PHACTR1: variants seen among roughly 807,000 people sequenced by gnomAD.
The protein encoded by PHACTR1 is RPEL repeat containing 1.
Under a neutral mutation model 69.2 loss-of-function variants are expected in PHACTR1, and 16 were observed. That is an observed-to-expected ratio of 0.23 (90% CI 0.16 to 0.35). The LOEUF is 0.35. PHACTR1 is among the 10% of genes least tolerant of loss of function. The pLI is 1.00. For missense variants in PHACTR1, 510 were observed against 734.7 expected (o/e 0.69, Z 3.54); for synonymous variants, 312 against 284.5 (o/e 1.10, Z -0.97).
At chr6:13,233,249 C>A (rs933470495) in intron 10 of PHACTR1, among the ~76,000 whole-genome samples, 2 of 152,104 alleles carry the variant, frequency 1.3e-5, no homozygotes, top group Non-Finnish European at 2.9e-5. Context: ...TGGGAAGAGA[C>A]ATAAACCGTC....
chr6:12,740,816 T>C (rs573673925), intron 3 of PHACTR1, among the ~76,000 whole-genome samples: 1 of 152,212 alleles, frequency 6.6e-6, no homozygotes, highest in African/African-American at 2.4e-5. Context: ...TCTTATTCTC[T>C]TATATCCTTT....
rs145865768 is a variant in PHACTR1 at position 12,915,318 on chromosome 6, G to A, written c.251-138047G>A. 3.1e-3 allele frequency among the ~76,000 whole-genome samples: 476 copies of A among 152,034 alleles called. 14 individuals are homozygous for A. The highest frequency in any genetic ancestry group is 0.023 in the Admixed American group (358 of 15,262). ...GCTCAGGAGTTCGAGATTAGCCTGG[G>A]CAACATGGCAAAACCCTGTCTCTAC... On this transcript the variant is annotated intron_variant, in intron 4 of 14. Coordinates refer to ENST00000332995, the MANE Select transcript of PHACTR1 (RefSeq NM_030948.6).
chr6:13,177,653 AG>A (rs1761572462), intron 6 of PHACTR1, among the ~76,000 whole-genome samples: 1 of 152,188 alleles, frequency 6.6e-6, no homozygotes. Flanking sequence ...CCCCAAAACC[AG>A]GGGGTGTCCC....
chr6:13,094,255 A>G (rs1264066651), intron 5 of PHACTR1, among the ~76,000 whole-genome samples: 1 of 151,294 alleles, frequency 6.6e-6, no homozygotes, highest in Non-Finnish European at 1.5e-5. Flanking sequence ...TGCCTGTATT[A>G]TACTTTTTCT....
chr6:13,147,846 T>C (rs545373235), intron 5 of PHACTR1, among the ~76,000 whole-genome samples: 2 of 152,300 alleles, frequency 1.3e-5, no homozygotes, highest in South Asian at 4.1e-4. Flanking sequence ...AGCATCAATA[T>C]ACAGTTTAAC....
intron 4 of PHACTR1, 85 bp from the exon 5 acceptor site, chr6:13,053,280 A>G (rs922306465): frequency 3.0e-6 from 4 of 1,337,750 alleles, no homozygotes; most frequent in East Asian, 5.1e-5. Flanking sequence ...ATCTGTAACC[A>G]TGGAAAACGT....
At chr6:12,879,137 G>T (rs1782829095) in intron 4 of PHACTR1, among the ~76,000 whole-genome samples, 1 of 152,180 alleles carries the variant, frequency 6.6e-6, no homozygotes, top group Non-Finnish European at 1.5e-5. Context: ...AGAGGCTATT[G>T]CTGGAGGCGA....
chr6:13,100,204 T>G (rs1310559746), intron 5 of PHACTR1, among the ~76,000 whole-genome samples: 2 of 152,228 alleles, frequency 1.3e-5, no homozygotes, highest in African/African-American at 4.8e-5. Context: ...GTATAAGTTT[T>G]GGGGGATAAA....
chr6:13,077,191 G>GAAAA (rs60218037), intron 5 of PHACTR1, among the ~76,000 whole-genome samples: 1 of 137,602 alleles, frequency 7.3e-6, no homozygotes, highest in African/African-American at 2.9e-5. Context: ...AAAAAAAAAA[G>GAAAA]TGATTGCATG....
chr6:12,779,602 T>C (rs114617707), intron 4 of PHACTR1, among the ~76,000 whole-genome samples: 2 of 152,326 alleles, frequency 1.3e-5, no homozygotes, highest in Non-Finnish European at 2.9e-5. Flanking sequence ...CCTAATTTCA[T>C]GGCAATCTTC....
intron 10 of PHACTR1, chr6:13,266,675 C>T (rs992815654): frequency 6.6e-6 from 1 of 152,420 alleles, no homozygotes; most frequent in Non-Finnish European, 1.5e-5. Context: ...AGGAGTCTCA[C>T]ATTGGAGGAG....
chr6:12,915,461 C>A (rs1161871992), intron 4 of PHACTR1, among the ~76,000 whole-genome samples: 1 of 144,058 alleles, frequency 6.9e-6, no homozygotes, highest in East Asian at 2.1e-4. Context: ...GGGCTGAGAT[C>A]ACTCCACTGC....
chr6:12,756,262 A>AC (rs1251554141), intron 4 of PHACTR1, among the ~76,000 whole-genome samples: 3 of 152,152 alleles, frequency 2.0e-5, no homozygotes, highest in Non-Finnish European at 4.4e-5. Context: ...ATTACAGCCA[A>AC]TGTCTTGTAA....
chr6:13,153,118 C>G (rs1757675828), intron 5 of PHACTR1, among the ~76,000 whole-genome samples: 1 of 152,210 alleles, frequency 6.6e-6, no homozygotes, highest in Admixed American at 6.5e-5. Context: ...TTCACTCTCT[C>G]TGGGAATCAG....
In PHACTR1 at chr6:12,828,811, C is replaced by A. The variant is rs541610652; in HGVS notation, c.250+79021C>A. ...AAGCAATTTGTATGGTTTTTAGAGG[C>A]TAGGAAGTGGGGTGGGGTGGTTACG... On this transcript the variant is annotated intron_variant, in intron 4 of 14. Transcript: ENST00000332995. 1.7e-3 allele frequency among the ~76,000 whole-genome samples: 258 copies of A among 151,528 alleles called. 1 individual carries two copies. Among genetic ancestry groups the A allele is most frequent in the African/African-American group, 5.9e-3 (244 of 41,316 alleles).
intron 4 of PHACTR1, among the ~76,000 whole-genome samples, chr6:12,948,051 C>T (rs1790871195): frequency 6.6e-6 from 1 of 152,304 alleles, no homozygotes; most frequent in African/African-American, 2.4e-5. Flanking sequence ...GTAGTTGCGC[C>T]ATGAACCTTT....
intron 10 of PHACTR1, among the ~76,000 whole-genome samples, chr6:13,265,901 A>T (rs758671343): frequency 2.0e-5 from 3 of 151,772 alleles, no homozygotes; most frequent in Admixed American, 6.6e-5. Context: ...CTCTCTCCAT[A>T]CTCATGGCTT....
At chr6:12,721,606 A>T (rs1161460565) in intron 3 of PHACTR1, among the ~76,000 whole-genome samples, 1 of 152,088 alleles carries the variant, frequency 6.6e-6, no homozygotes, top group Admixed American at 6.5e-5. Flanking sequence ...CCTTCATTTC[A>T]CTTTAAAGAT....
At position 13,091,159 on chromosome 6, in the gene PHACTR1, C is replaced by T. The variant is rs374922494; in HGVS notation, c.415+37630C>T. On this transcript the variant is annotated intron_variant, in intron 5 of 14. Transcript: ENST00000332995. Reference sequence around the variant, plus strand: ...CCAAGTAGCTGGGATTACAGGCACCCGGCTAATTTTTGTATTTTTAGTAGA... The same window carrying T: ...CCAAGTAGCTGGGATTACAGGCACCTGGCTAATTTTTGTATTTTTAGTAGA... Among the ~76,000 whole-genome samples the T allele has an allele frequency of 1.1e-3, 162 of 151,994 alleles. 4 individuals are homozygous for T. The South Asian group carries it at 0.025, about 23-fold the overall frequency.
Sources: gnomAD v4.1 joint callset for allele counts (sites outside exome capture counted in the v4.1 genomes callset) on GRCh38, gnomAD v4.1.1 for gene constraint, MANE v1.5 for transcripts, NCBI Gene and HGNC (gene_info 2026-07-23, HGNC 2026-07-21) for gene names.